GALNT2: variants seen among roughly 807,000 people sequenced by gnomAD.
GALNT2 encodes the protein polypeptide N-acetylgalactosaminyltransferase 2.
In GALNT2, 31 loss-of-function variants were observed where a neutral mutation model predicts 81.4. The ratio of observed to expected loss-of-function variants is 0.38; its 90% CI spans 0.29 to 0.51. The LOEUF is 0.51. Among genes scored for constraint, GALNT2 ranks in the 20% least tolerant of loss-of-function variants. GALNT2 has a pLI of 0.87. For missense variants in GALNT2, 629 were observed against 765.7 expected, an observed-to-expected ratio of 0.82 and a Z score of 2.11; for synonymous variants, 303 against 287.4, an observed-to-expected ratio of 1.05 and a Z score of -0.55.
chr1:230,103,512 T>C (rs3811489), intron 1 of GALNT2, among the ~76,000 whole-genome samples: 64,732 of 151,638 alleles, frequency 0.43, 13,748 homozygotes, highest in South Asian at 0.53. Context: ...TGGAAAGAAA[T>C]GTAAGTCACC....
intron 2 of GALNT2, among the ~76,000 whole-genome samples, chr1:230,199,445 G>T (rs879524400): frequency 7.9e-5 from 12 of 152,202 alleles, no homozygotes; most frequent in Admixed American, 6.5e-4. Context: ...ATTATGGGTT[G>T]TGACCCATCA....
rs554261633 is a variant in GALNT2, at chr1:230,235,629, C to G, written c.375-385C>G. On this transcript the variant is annotated intron_variant, in intron 3 of 15. Transcript: ENST00000366672. ...GGCAATGTAGAAAACAAGAAAAGAG[C>G]AGTGGCGCACAGTTGGTTCTGCCCT... 1.6e-4 allele frequency among the ~76,000 whole-genome samples: 25 copies of G among 152,332 alleles called. No homozygotes were observed. The South Asian group carries it at 5.2e-3, about 32-fold the overall frequency.
At chr1:230,244,512 T>A (rs1481093764) in intron 7 of GALNT2, among the ~76,000 whole-genome samples, 4 of 127,566 alleles carry the variant, frequency 3.1e-5, no homozygotes, top group African/African-American at 1.2e-4. Context: ...TCTCCCTGGC[T>A]ACGCTCCGCC....
chr1:230,141,788 C>CTTTTTTTTTTTTTTTTTTTTT (rs60824749), intron 1 of GALNT2, among the ~76,000 whole-genome samples: 1 of 101,322 alleles, frequency 9.9e-6, no homozygotes, highest in Non-Finnish European at 1.9e-5. Context: ...TTTTGTTTTC[C>CTTTTTTTTTTTTTTTTTTTTT]TTTTTTTTTT....
intron 1 of GALNT2, among the ~76,000 whole-genome samples, chr1:230,146,933 G>A (rs960973991): frequency 3.2e-4 from 49 of 152,280 alleles, no homozygotes; most frequent in African/African-American, 1.1e-3. Flanking sequence ...GTCAGATCTC[G>A]GTGTCTGTCC....
intron 1 of GALNT2, among the ~76,000 whole-genome samples, chr1:230,147,149 T>G (rs1461245495): frequency 6.6e-6 from 1 of 152,122 alleles, no homozygotes; most frequent in Non-Finnish European, 1.5e-5. Context: ...AGTGCCAAGC[T>G]GGGGGAGATT....
intron 10 of GALNT2, among the ~76,000 whole-genome samples, chr1:230,253,940 C>T (rs1479116707): frequency 6.6e-6 from 1 of 151,998 alleles, no homozygotes; most frequent in African/African-American, 2.4e-5. Context: ...GTTCTTACTT[C>T]ACTTAATTTC....
At chr1:230,252,498 G>T (rs1460807382) in intron 10 of GALNT2, among the ~76,000 whole-genome samples, 1 of 152,154 alleles carries the variant, frequency 6.6e-6, no homozygotes, top group Non-Finnish European at 1.5e-5. Context: ...TACTTCCAGG[G>T]AATCATCTGT....
intron 2 of GALNT2, among the ~76,000 whole-genome samples, chr1:230,188,638 A>G (rs1047275750): frequency 6.6e-6 from 1 of 152,174 alleles, no homozygotes; most frequent in South Asian, 2.1e-4. Flanking sequence ...GTAAAAATAT[A>G]TCTCTGTAGT....
In GALNT2 at chr1:230,125,099, T is replaced by C. The variant is rs1240902333; in HGVS notation, c.127-53119T>C. Among the ~76,000 whole-genome samples, 6 of 152,374 alleles carry C rather than the reference T, an allele frequency of 3.9e-5. No individual in the cohort carries two copies. The East Asian group carries it at 1.2e-3, about 29-fold the overall frequency. ...CCTGGTCTCCGCTAAGCGGTTGTTC[T>C]CTATTCTTGTCAAATGTGAAGGCTT... On this transcript the variant is annotated intron_variant, in intron 1 of 15. Coordinates refer to ENST00000366672, the MANE Select transcript of GALNT2 (RefSeq NM_004481.5).
At chr1:230,222,031 C>CTCTTTTTTTTTTTTTTTTTT (rs1553270493) in intron 3 of GALNT2, among the ~76,000 whole-genome samples, 19 of 96,120 alleles carry the variant, frequency 2.0e-4, no homozygotes, top group African/African-American at 6.6e-4. Flanking sequence ...CTGCTTTTCT[C>CTCTTTTTTTTTTTTTTTTTT]TTTTTTTTTT....
intron 1 of GALNT2, among the ~76,000 whole-genome samples, chr1:230,155,146 T>G (rs1377440354): frequency 6.6e-6 from 1 of 152,130 alleles, no homozygotes; most frequent in Non-Finnish European, 1.5e-5. Context: ...GCGGAAGTAT[T>G]TCCCAGGTCC....
chr1:230,087,536 G>A (rs1659935835), intron 1 of GALNT2, among the ~76,000 whole-genome samples: 1 of 152,206 alleles, frequency 6.6e-6, no homozygotes, highest in African/African-American at 2.4e-5. Flanking sequence ...AACACCTGGG[G>A]AAAACTTTGA....
At chr1:230,116,018 C>G (rs1375947106) in intron 1 of GALNT2, among the ~76,000 whole-genome samples, 1 of 152,192 alleles carries the variant, frequency 6.6e-6, no homozygotes. Context: ...GTTCCTTCTC[C>G]ACTCTAGTCT....
intron 1 of GALNT2, among the ~76,000 whole-genome samples, chr1:230,099,748 C>T (rs945314490): frequency 6.6e-6 from 1 of 152,226 alleles, no homozygotes; most frequent in African/African-American, 2.4e-5. Flanking sequence ...TGCCCAGTGG[C>T]TCATCTGTCT....
chr1:230,183,614 G>A (rs996817716), intron 2 of GALNT2, among the ~76,000 whole-genome samples: 2 of 152,038 alleles, frequency 1.3e-5, no homozygotes, highest in African/African-American at 4.8e-5. Context: ...ATATATAAAA[G>A]AATACATGAT....
At chr1:230,113,354 G>T (rs1411139590) in intron 1 of GALNT2, among the ~76,000 whole-genome samples, 1 of 152,060 alleles carries the variant, frequency 6.6e-6, no homozygotes, top group Non-Finnish European at 1.5e-5. Flanking sequence ...CTTGACTCAG[G>T]AATCCAGTTT....
At chr1:230,076,160 T>A (rs1347447360) in intron 1 of GALNT2, among the ~76,000 whole-genome samples, 1 of 152,230 alleles carries the variant, frequency 6.6e-6, no homozygotes, top group East Asian at 1.9e-4. Context: ...GACCTGCAGC[T>A]GCTCGAGGCA....
At chr1:230,215,647 A>G (rs1233084092) in intron 3 of GALNT2, among the ~76,000 whole-genome samples, 1 of 152,242 alleles carries the variant, frequency 6.6e-6, no homozygotes, top group African/African-American at 2.4e-5. Context: ...ATGGAAATAC[A>G]GGCTTGAAGT....
Sources: gnomAD v4.1 joint callset for allele counts (sites outside exome capture counted in the v4.1 genomes callset) on GRCh38, gnomAD v4.1.1 for gene constraint, MANE v1.5 for transcripts, NCBI Gene and HGNC (gene_info 2026-07-23, HGNC 2026-07-21) for gene names.